The following TRPM3 variants were observed in gnomAD, a reference collection of about 807,000 sequenced individuals.
TRPM3 encodes the protein transient receptor potential cation channel subfamily M member 3, also known as long transient receptor potential channel 3.
TRPM3 carries 77 observed loss-of-function variants against 181.2 expected under a neutral mutation model. The ratio of observed to expected loss-of-function variants is 0.42; its 90% CI spans 0.35 to 0.51. The LOEUF (loss-of-function observed/expected upper bound fraction) is 0.51, where lower values mean the gene tolerates loss of function less well. TRPM3 is among the 20% of genes least tolerant of loss of function. The pLI, the probability that TRPM3 is intolerant of heterozygous loss-of-function variation, is 0.01. For missense variants in TRPM3, 1,759 were observed against 2,196.7 expected (o/e 0.80, Z 3.98); for synonymous variants, 745 against 796.4 (o/e 0.94, Z 1.09).
chr9:71,095,486 C>T (rs769587040), intron 1 of TRPM3, among the ~76,000 whole-genome samples: 4 of 151,980 alleles, frequency 2.6e-5, no homozygotes, highest in Non-Finnish European at 4.4e-5. Context: ...AGGCCAGGTG[C>T]GGTGGCTTAC....
intron 1 of TRPM3, among the ~76,000 whole-genome samples, chr9:70,919,538 C>T (rs936967743): frequency 6.6e-6 from 1 of 152,214 alleles, no homozygotes; most frequent in Non-Finnish European, 1.5e-5. Context: ...AATCCCAGCA[C>T]TTTGGGACGC....
intron 8 of TRPM3, among the ~76,000 whole-genome samples, chr9:70,742,799 T>C (rs572561220): frequency 6.6e-6 from 1 of 152,226 alleles, no homozygotes; most frequent in African/African-American, 2.4e-5. Flanking sequence ...TGAGAGATAA[T>C]AGACTTGATG....
At chr9:71,387,546 G>T (rs2092954850) in intron 1 of TRPM3, among the ~76,000 whole-genome samples, 1 of 152,158 alleles carries the variant, frequency 6.6e-6, no homozygotes, top group Admixed American at 6.5e-5. Flanking sequence ...GAAAAGGAAT[G>T]TTAATGCCAC....
chr9:71,076,071 A>G (rs2133641297), intron 1 of TRPM3, among the ~76,000 whole-genome samples: 1 of 152,300 alleles, frequency 6.6e-6, no homozygotes. Flanking sequence ...CAAACCAATG[A>G]AAATGAAGAA....
intron 1 of TRPM3, among the ~76,000 whole-genome samples, chr9:71,179,842 G>T (rs1369050772): frequency 6.6e-6 from 1 of 151,998 alleles, no homozygotes; most frequent in Non-Finnish European, 1.5e-5. Flanking sequence ...CTTTCCTAAT[G>T]AAATCTGCCT....
chr9:71,223,711 C>T lies in TRPM3; in HGVS notation c.183+222942G>A, dbSNP rs142697962. Among the ~76,000 whole-genome samples the T allele has an allele frequency of 4.6e-5, 7 of 152,274 alleles. No homozygotes were observed. The East Asian group carries it at 1.4e-3, about 29-fold the overall frequency. On this transcript the variant is annotated intron_variant, in intron 1 of 24. Coordinates refer to the TRPM3 transcript ENST00000357533. The stretch of plus-strand genomic sequence containing the variant: ...TGAGTCCCTGCCCTGGCAGCATTCA[C>T]TACAATCTGACTGAAGAATCCTTGG...
chr9:71,132,937 A>C (rs1389620416), intron 1 of TRPM3, among the ~76,000 whole-genome samples: 2 of 152,172 alleles, frequency 1.3e-5, no homozygotes, highest in Non-Finnish European at 2.9e-5. Context: ...AAATAATGCT[A>C]TTATGGATAT....
chr9:70,748,898 T>G (rs548829185), intron 8 of TRPM3, among the ~76,000 whole-genome samples: 2 of 152,282 alleles, frequency 1.3e-5, no homozygotes, highest in Non-Finnish European at 1.5e-5. Context: ...GTTTTTTATT[T>G]TTTTGAGACA....
chr9:70,604,420 T>TGGCCTTAGG (rs998746307), intron 19 of TRPM3, among the ~76,000 whole-genome samples: 12 of 152,344 alleles, frequency 7.9e-5, no homozygotes, highest in East Asian at 1.9e-4. Flanking sequence ...AGGTACTCAC[T>TGGCCTTAGG]GGCCTTAGGG....
chr9:70,831,981 A>ATATATATATATTTATATATATATATATT (rs2093949078), intron 5 of TRPM3, among the ~76,000 whole-genome samples: 7 of 119,394 alleles, frequency 5.9e-5, no homozygotes, highest in African/African-American at 1.6e-4. Flanking sequence ...ATATATATAT[A>ATATATATATATTTATATATATATATATT]TATATATATA....
At chr9:71,272,033 G>T (rs1395471445) in intron 1 of TRPM3, among the ~76,000 whole-genome samples, 1 of 152,116 alleles carries the variant, frequency 6.6e-6, no homozygotes, top group Non-Finnish European at 1.5e-5. Context: ...GTTAACGGAG[G>T]GGGTATATTT....
intron 8 of TRPM3, among the ~76,000 whole-genome samples, chr9:70,748,973 C>T (rs2075661733): frequency 6.6e-6 from 1 of 152,190 alleles, no homozygotes; most frequent in Admixed American, 6.5e-5. Context: ...CAGCCCCAAA[C>T]TCCCAGGCTT....
intron 1 of TRPM3, among the ~76,000 whole-genome samples, chr9:71,129,248 G>A (rs914418420): frequency 6.6e-6 from 1 of 152,144 alleles, no homozygotes; most frequent in African/African-American, 2.4e-5. Context: ...TACTTTATGA[G>A]AGACAATGGT....
intron 1 of TRPM3, among the ~76,000 whole-genome samples, chr9:71,336,102 C>T (rs748660232): frequency 2.0e-5 from 3 of 151,630 alleles, no homozygotes; most frequent in Non-Finnish European, 4.4e-5. Context: ...AATAATAGAA[C>T]TCATTCTTCT....
chr9:70,905,863 G>A (rs983958803), intron 1 of TRPM3, among the ~76,000 whole-genome samples: 5 of 151,850 alleles, frequency 3.3e-5, no homozygotes, highest in South Asian at 2.1e-4. Flanking sequence ...CCCACTTCCC[G>A]GGTAGCTGGG....
chr9:71,066,371 G>A (rs949624378), intron 1 of TRPM3, among the ~76,000 whole-genome samples: 9 of 152,118 alleles, frequency 5.9e-5, no homozygotes, highest in Admixed American at 2.6e-4. Flanking sequence ...TTCATACCAA[G>A]AGATAAAATC....
intron 1 of TRPM3, among the ~76,000 whole-genome samples, chr9:71,010,141 T>C (rs2097720640): frequency 6.6e-6 from 1 of 151,824 alleles, no homozygotes; most frequent in Admixed American, 6.6e-5. Flanking sequence ...GAAGCAAAAA[T>C]AGGAAAAATG....
chr9:70,581,701 A>G (rs1257464256), intron 22 of TRPM3, among the ~76,000 whole-genome samples: 1 of 152,218 alleles, frequency 6.6e-6, no homozygotes, highest in African/African-American at 2.4e-5. Flanking sequence ...TGGTCAGAAC[A>G]CTGAGCCTTT....
At chr9:70,689,167 G>C (rs934029257) in intron 8 of TRPM3, among the ~76,000 whole-genome samples, 3 of 152,040 alleles carry the variant, frequency 2.0e-5, no homozygotes, top group African/African-American at 7.2e-5. Flanking sequence ...TATTGTTCAG[G>C]GGTCAATCAC....
Sources: allele counts gnomAD v4.1 joint callset (sites outside exome capture counted in the v4.1 genomes callset), GRCh38; gene constraint gnomAD v4.1.1; transcripts MANE v1.5; gene names NCBI Gene and HGNC (gene_info 2026-07-23, HGNC 2026-07-21).